KAZN: variants seen among roughly 807,000 people sequenced by gnomAD.
The protein encoded by KAZN is kazrin.
A neutral mutation model predicts 87.4 loss-of-function variants in KAZN; 40 were observed. The observed-to-expected ratio is 0.46, with a 90% confidence interval of 0.36 to 0.60. The LOEUF is 0.60. Ranked by LOEUF, KAZN falls within the 20% of genes least tolerant of loss-of-function variation. The pLI, the probability that KAZN is intolerant of heterozygous loss-of-function variation, is 0.00. For synonymous variants in KAZN, 466 were observed against 458.3 expected, an observed-to-expected ratio of 1.02 and a Z score of -0.22; for missense variants, 898 against 1,073.9, an observed-to-expected ratio of 0.84 and a Z score of 2.29.
chr1:15,101,903 G>A (rs1399332950), intron 11 of KAZN, 129 bp downstream of exon 11: 4 of 667,440 alleles, frequency 6.0e-6, no homozygotes, highest in East Asian at 2.7e-5. Context: ...CCATCATCCA[G>A]CCATCCATTT....
chr1:14,281,307 A>C (rs186887724), intron 2 of KAZN, among the ~76,000 whole-genome samples: 1 of 152,184 alleles, frequency 6.6e-6, no homozygotes, highest in African/African-American at 2.4e-5. Context: ...TGAGGTGCAC[A>C]TATGTATTTG....
chr1:14,156,803 C>T (rs1452942026), intron 1 of KAZN, among the ~76,000 whole-genome samples: 1 of 151,578 alleles, frequency 6.6e-6, no homozygotes, highest in South Asian at 2.1e-4. Flanking sequence ...CACTCTATTT[C>T]TTTTCATTGG....
intron 2 of KAZN, among the ~76,000 whole-genome samples, chr1:14,270,252 G>T (rs1181514011): frequency 6.6e-6 from 1 of 152,190 alleles, no homozygotes; most frequent in Non-Finnish European, 1.5e-5. Flanking sequence ...TTGGATCTAC[G>T]GCAGTGGGGC....
chr1:14,630,280 A>G (rs997274501), intron 1 of KAZN, among the ~76,000 whole-genome samples: 2 of 152,182 alleles, frequency 1.3e-5, no homozygotes, highest in Non-Finnish European at 2.9e-5. Flanking sequence ...AACTGCTAGT[A>G]GTTGTTTCCT....
chr1:14,267,934 T>C (rs1651621608), intron 2 of KAZN, among the ~76,000 whole-genome samples: 1 of 152,176 alleles, frequency 6.6e-6, no homozygotes, highest in East Asian at 1.9e-4. Context: ...CACTTGGGCC[T>C]GGGTGACAGA....
intron 2 of KAZN, among the ~76,000 whole-genome samples, chr1:14,369,732 T>C (rs1015329268): frequency 1.3e-5 from 2 of 152,186 alleles, no homozygotes; most frequent in African/African-American, 4.8e-5. Flanking sequence ...CCACAGCCCT[T>C]GTGCCAGTTA....
chr1:14,016,826 G>A (rs1439637948), intron 1 of KAZN, among the ~76,000 whole-genome samples: 5 of 152,108 alleles, frequency 3.3e-5, no homozygotes, highest in Non-Finnish European at 5.9e-5. Context: ...ACAGAGAAGC[G>A]GGGATTTGCC....
intron 1 of KAZN, among the ~76,000 whole-genome samples, chr1:14,049,909 G>A (rs749464036): frequency 2.0e-4 from 31 of 152,210 alleles, no homozygotes; most frequent in South Asian, 6.2e-4. Flanking sequence ...GGCCTGACAC[G>A]GTGGGACCTT....
At chr1:15,101,054 C>T (rs1641038474) in intron 10 of KAZN, among the ~76,000 whole-genome samples, 1 of 152,210 alleles carries the variant, frequency 6.6e-6, no homozygotes, top group Admixed American at 6.5e-5. Flanking sequence ...CCTTCTGCTC[C>T]CCGCCCCTGC....
intron 1 of KAZN, among the ~76,000 whole-genome samples, chr1:14,839,602 T>C (rs1260447770): frequency 6.6e-6 from 1 of 152,188 alleles, no homozygotes; most frequent in East Asian, 1.9e-4. Context: ...CTGACGGCAT[T>C]TGGTGCAGAG....
At chr1:14,321,989 T>C (rs1377339914) in intron 2 of KAZN, among the ~76,000 whole-genome samples, 1 of 152,160 alleles carries the variant, frequency 6.6e-6, no homozygotes, top group Non-Finnish European at 1.5e-5. Context: ...GCTTCAACAG[T>C]ATACATTTCA....
intron 2 of KAZN, among the ~76,000 whole-genome samples, chr1:14,385,920 A>G (rs201688995): frequency 0.62 from 89,738 of 143,630 alleles, 28,723 homozygotes; most frequent in East Asian, 0.82. Flanking sequence ...GGGTGTTAAA[A>G]TCTCCCATTA....
chr1:14,063,570 C>T (rs1158449817), intron 1 of KAZN, among the ~76,000 whole-genome samples: 3 of 152,126 alleles, frequency 2.0e-5, no homozygotes, highest in Non-Finnish European at 4.4e-5. Context: ...TTCAACTCTA[C>T]AGAGTTGAAA....
intron 2 of KAZN, among the ~76,000 whole-genome samples, chr1:14,460,417 A>G (rs1667797428): frequency 6.6e-6 from 1 of 152,190 alleles, no homozygotes; most frequent in African/African-American, 2.4e-5. Context: ...GGCGGTGAGG[A>G]TCCAGGCTTG....
chr1:14,871,239 A>G (rs1340535082), intron 1 of KAZN, among the ~76,000 whole-genome samples: 2 of 152,096 alleles, frequency 1.3e-5, no homozygotes, highest in African/African-American at 4.8e-5. Flanking sequence ...TCTCCTTCCT[A>G]GGTTTGGGGA....
intron 1 of KAZN, among the ~76,000 whole-genome samples, chr1:14,908,597 C>T (rs1171838296): frequency 2.0e-5 from 3 of 152,030 alleles, no homozygotes; most frequent in Non-Finnish European, 2.9e-5. Context: ...AGGCATGTGA[C>T]TCCCAGCTAC....
intron 2 of KAZN, among the ~76,000 whole-genome samples, chr1:14,280,055 TATGGACTTAGTTAAG>T (rs1032667972): frequency 1.3e-5 from 2 of 152,010 alleles, no homozygotes; most frequent in Admixed American, 6.6e-5. Context: ...GTCATCGGCA[TATGGACTTAGTTAAG>T]ATGAGGTTGC....
At chr1:14,101,905 C>A (rs1204612676) in intron 1 of KAZN, among the ~76,000 whole-genome samples, 2 of 152,014 alleles carry the variant, frequency 1.3e-5, no homozygotes, top group Non-Finnish European at 2.9e-5. Context: ...CTGAATTAGC[C>A]CAGACAGTAA....
chr1:14,099,166 T>C (rs1644193813), intron 1 of KAZN, among the ~76,000 whole-genome samples: 2 of 152,016 alleles, frequency 1.3e-5, no homozygotes, highest in Admixed American at 1.3e-4. Flanking sequence ...GAATAAGGAA[T>C]CAGGGCCCTT....
Sources: gnomAD v4.1 joint callset for allele counts (sites outside exome capture counted in the v4.1 genomes callset) on GRCh38, gnomAD v4.1.1 for gene constraint, MANE v1.5 for transcripts, NCBI Gene and HGNC (gene_info 2026-07-23, HGNC 2026-07-21) for gene names.